Variants in PAWR observed in about 807,000 individuals in gnomAD.
PAWR encodes the protein PRKC apoptosis WT1 regulator protein.
Under a neutral mutation model 32.0 loss-of-function variants are expected in PAWR, and 23 were observed. The ratio of observed to expected loss-of-function variants is 0.72; its 90% CI spans 0.52 to 1.02. PAWR has a LOEUF of 1.02. Among genes scored for constraint, PAWR ranks in the 50% least tolerant of loss-of-function variants. PAWR has a pLI of 0.00. For synonymous variants in PAWR, 226 were observed against 187.1 expected, an observed-to-expected ratio of 1.21 and a Z score of -1.70; for missense variants, 457 against 437.7, an observed-to-expected ratio of 1.04 and a Z score of -0.39.
intron 6 of PAWR, among the ~76,000 whole-genome samples, chr12:79,593,617 G>A (rs1451323769): frequency 3.3e-5 from 5 of 150,152 alleles, no homozygotes; most frequent in African/African-American, 1.2e-4. Flanking sequence ...CTGAGATCGC[G>A]CCACTGAACT....
At chr12:79,606,186 G>C (rs912698851) in intron 4 of PAWR, among the ~76,000 whole-genome samples, 12 of 152,264 alleles carry the variant, frequency 7.9e-5, no homozygotes, top group African/African-American at 2.9e-4. Context: ...ATTACTGGTT[G>C]CTGGGGGACC....
chr12:79,632,598 G>A (rs1875761911), intron 2 of PAWR, among the ~76,000 whole-genome samples: 2 of 151,010 alleles, frequency 1.3e-5, no homozygotes, highest in South Asian at 2.1e-4. Context: ...TTGAACTCCT[G>A]GGCTCAAGTG....
At chr12:79,636,441 T>C (rs1022214403) in intron 2 of PAWR, among the ~76,000 whole-genome samples, 1 of 152,100 alleles carries the variant, frequency 6.6e-6, no homozygotes, top group Non-Finnish European at 1.5e-5. Flanking sequence ...GCAATCATCA[T>C]TCACAGCTAC....
chr12:79,636,560 A>G (rs896790907), intron 2 of PAWR, among the ~76,000 whole-genome samples: 11 of 152,138 alleles, frequency 7.2e-5, no homozygotes, highest in Non-Finnish European at 1.0e-4. Flanking sequence ...TGCTCAAGCC[A>G]AAGTTTTGAT....
At chr12:79,620,899 G>C (rs1055108757) in intron 3 of PAWR, among the ~76,000 whole-genome samples, 177 bp downstream of exon 3, 1 of 152,172 alleles carries the variant, frequency 6.6e-6, no homozygotes, top group Non-Finnish European at 1.5e-5. Flanking sequence ...GGTGAAGAGA[G>C]TGTTCATGCT....
At chr12:79,687,360 T>C (rs1360300165) in intron 2 of PAWR, among the ~76,000 whole-genome samples, 1 of 152,174 alleles carries the variant, frequency 6.6e-6, no homozygotes, top group East Asian at 1.9e-4. Flanking sequence ...GTAATGAAAG[T>C]CACAATAAAT....
chr12:79,659,160 G>A (rs1877231809), intron 2 of PAWR, among the ~76,000 whole-genome samples: 1 of 151,958 alleles, frequency 6.6e-6, no homozygotes, highest in East Asian at 2.0e-4. Flanking sequence ...AGCCAGGCGT[G>A]GTGGCGGGCG....
intron 2 of PAWR, among the ~76,000 whole-genome samples, chr12:79,626,359 A>G (rs1875318721): frequency 6.8e-6 from 1 of 147,006 alleles, no homozygotes; most frequent in Non-Finnish European, 1.5e-5. Context: ...TCCCAGGTTC[A>G]CACCATACTC....
intron 2 of PAWR, among the ~76,000 whole-genome samples, chr12:79,663,909 G>T (rs1437342050): frequency 6.6e-6 from 1 of 152,108 alleles, no homozygotes; most frequent in Non-Finnish European, 1.5e-5. Flanking sequence ...GATTAATCAG[G>T]CTATGTGCTT....
intron 2 of PAWR, among the ~76,000 whole-genome samples, chr12:79,646,291 G>C (rs956208275): frequency 6.6e-6 from 1 of 152,042 alleles, no homozygotes; most frequent in East Asian, 1.9e-4. Context: ...CTCCTGCCCC[G>C]TATGCCACCT....
chr12:79,608,659 T>TA (rs1312855725), intron 4 of PAWR, among the ~76,000 whole-genome samples: 1 of 152,204 alleles, frequency 6.6e-6, no homozygotes, highest in Non-Finnish European at 1.5e-5. Context: ...GGCAAAGATT[T>TA]AGTTTACTGA....
rs1244793373 is a variant in PAWR at position 79,585,346 on chromosome 12, T to A, written c.*7261A>T. ...CCATCTGCAAAGTTTGTGACTCAAGTGTTGGGTGGGGCCAAATAATTTGTA... is the reference window on the plus strand; with the variant it reads ...CCATCTGCAAAGTTTGTGACTCAAGAGTTGGGTGGGGCCAAATAATTTGTA... On this transcript the variant is annotated 3_prime_UTR_variant, in exon 7 of 7. Coordinates refer to ENST00000328827, the MANE Select transcript of PAWR (RefSeq NM_002583.4). 1 of 228,370 alleles carries A rather than the reference T, an allele frequency of 4.4e-6. No individual in the cohort carries two copies. The highest frequency in any genetic ancestry group is 8.7e-6 in the Non-Finnish European group (1 of 114,366). 14.1% of individuals were successfully genotyped at this position (228,370 alleles called of 1,614,324 possible).
In PAWR at chr12:79,587,836, T is replaced by A. The variant is rs1873430121; in HGVS notation, c.*4771A>T. The A allele has an allele frequency of 6.6e-6, 1 of 151,980 alleles. No homozygotes were observed. Among genetic ancestry groups the A allele is most frequent in the Non-Finnish European group, 1.5e-5 (1 of 67,860 alleles). The allele number at this position is 151,980 out of a possible 1,614,324, so 9.4% of individuals were successfully genotyped here. ...ATTTTATTGAGTATTACTTTATACA[T>A]GCAAATTGAAAGTGAATCTATATTA... On this transcript the variant is annotated 3_prime_UTR_variant, in exon 7 of 7. Coordinates refer to ENST00000328827, the MANE Select transcript of PAWR (RefSeq NM_002583.4).
chr12:79,631,958 C>A (rs1333508671), intron 2 of PAWR: 1 of 151,566 alleles, frequency 6.6e-6, no homozygotes, highest in Non-Finnish European at 1.5e-5. Context: ...CATGATGAAA[C>A]CCCGTCTCTA....
rs1873457083 is a variant in PAWR at position 79,588,661 on chromosome 12, T to C, written c.*3946A>G. ...CACTACTAGATGGAAAGTTGGTCCATGTCCATTTATTTAAAGATTCTGTAA... is the reference window on the plus strand; with the variant it reads ...CACTACTAGATGGAAAGTTGGTCCACGTCCATTTATTTAAAGATTCTGTAA... On this transcript the variant is annotated 3_prime_UTR_variant, in exon 7 of 7. Transcript: ENST00000328827. The C allele has an allele frequency of 6.6e-6, 1 of 152,006 alleles. No individual in the cohort carries two copies. The highest frequency in any genetic ancestry group is 2.4e-5 in the African/African-American group (1 of 41,446). 9.4% of individuals were successfully genotyped at this position (152,006 alleles called of 1,614,324 possible).
chr12:79,635,365 C>A (rs1875910604), intron 2 of PAWR, among the ~76,000 whole-genome samples: 4 of 151,988 alleles, frequency 2.6e-5, no homozygotes, highest in Admixed American at 2.0e-4. Flanking sequence ...ATTTTGGTCA[C>A]CTTGATGACT....
At chr12:79,638,231 C>T (rs1876061564) in intron 2 of PAWR, among the ~76,000 whole-genome samples, 1 of 151,576 alleles carries the variant, frequency 6.6e-6, no homozygotes, top group South Asian at 2.1e-4. Context: ...ATATATTAGG[C>T]AAATAGGGGT....
At chr12:79,677,700 G>A (rs1878236699) in intron 2 of PAWR, among the ~76,000 whole-genome samples, 1 of 152,098 alleles carries the variant, frequency 6.6e-6, no homozygotes, top group Non-Finnish European at 1.5e-5. Flanking sequence ...ATACTACCAG[G>A]AAGGAGGGAA....
At chr12:79,597,097 C>T (rs1229929196) in intron 4 of PAWR, 2 of 147,156 alleles carry the variant, frequency 1.4e-5, no homozygotes, top group Admixed American at 7.0e-5. Context: ...TCACTCTTGT[C>T]ACCCAGACTG....
Sources: gnomAD v4.1 joint callset for allele counts (sites outside exome capture counted in the v4.1 genomes callset) on GRCh38, gnomAD v4.1.1 for gene constraint, MANE v1.5 for transcripts, NCBI Gene and HGNC (gene_info 2026-07-23, HGNC 2026-07-21) for gene names.